The following C8orf34 variants were observed in gnomAD, a reference collection of about 807,000 sequenced individuals.
C8orf34 encodes the protein uncharacterized protein C8orf34.
Under a neutral mutation model 68.3 loss-of-function variants are expected in C8orf34, and 65 were observed. The ratio of observed to expected loss-of-function variants is 0.95; its 90% confidence interval spans 0.78 to 1.17. The LOEUF is 1.17. C8orf34 is among the 50% of genes most tolerant of loss of function. C8orf34 has a pLI of 0.00. For missense variants in C8orf34, 664 were observed against 655.4 expected, an observed-to-expected ratio of 1.01 and a Z score of -0.14; for synonymous variants, 244 against 241.2, an observed-to-expected ratio of 1.01 and a Z score of -0.11.
At chr8:68,611,025 G>A (rs573619705) in intron 7 of C8orf34, among the ~76,000 whole-genome samples, 3 of 151,936 alleles carry the variant, frequency 2.0e-5, no homozygotes, top group South Asian at 4.2e-4. Context: ...CCATCACCAC[G>A]CCCAGCTAAT....
At chr8:68,472,096 G>C (rs1175968793) in intron 4 of C8orf34, among the ~76,000 whole-genome samples, 2 of 151,906 alleles carry the variant, frequency 1.3e-5, no homozygotes, top group East Asian at 3.9e-4. Context: ...TTATCTTAAA[G>C]TCAATCATAA....
intron 8 of C8orf34, among the ~76,000 whole-genome samples, chr8:68,678,437 A>G (rs1424952489): frequency 6.6e-6 from 1 of 152,208 alleles, no homozygotes; most frequent in Non-Finnish European, 1.5e-5. Context: ...CAATATATGC[A>G]AATGAATCAG....
chr8:68,793,153 C>T (rs1306363938), intron 12 of C8orf34, among the ~76,000 whole-genome samples: 1 of 152,054 alleles, frequency 6.6e-6, no homozygotes, highest in Non-Finnish European at 1.5e-5. Context: ...TTGATATTCA[C>T]ATTGTAAAAA....
intron 3 of C8orf34, among the ~76,000 whole-genome samples, chr8:68,455,847 G>A (rs2129628077): frequency 6.6e-6 from 1 of 151,852 alleles, no homozygotes; most frequent in African/African-American, 2.4e-5. Flanking sequence ...AAAAATTTCT[G>A]AGTATTGTTC....
chr8:68,367,920 A>AT (rs1388286526), intron 1 of C8orf34, among the ~76,000 whole-genome samples: 27 of 136,348 alleles, frequency 2.0e-4, no homozygotes, highest in African/African-American at 7.3e-4. Context: ...AAGAAAAAAA[A>AT]AAAAAAAAAA....
At chr8:68,708,954 A>G in intron 8 of C8orf34, 40 bp from the exon 9 acceptor site, 1 of 1,436,130 alleles carries the variant, frequency 7.0e-7, no homozygotes. Context: ...TCACAATTTA[A>G]CATTATGAGA....
chr8:68,436,499 A>G (rs557197446), intron 1 of C8orf34, among the ~76,000 whole-genome samples: 1 of 152,270 alleles, frequency 6.6e-6, no homozygotes, highest in African/African-American at 2.4e-5. Context: ...ATTTTGTTTC[A>G]GGGCAGGAGT....
At position 68,343,967 on chromosome 8, in the gene C8orf34, T is replaced by C. The variant is rs141837487; in HGVS notation, c.327+12628T>C. On this transcript the variant is annotated intron_variant, in intron 1 of 13. Transcript: ENST00000518698. ...GTCTCGAACTCCTGGGCTTAAGCAA[T>C]CTGCCTGTCTCGGCCTCCCAAAGTT... Among the ~76,000 whole-genome samples the C allele has an allele frequency of 7.9e-3, 1,196 of 152,268 alleles. 19 individuals carry two copies. Among genetic ancestry groups the C allele is most frequent in the African/African-American group, 0.026 (1,100 of 41,566 alleles).
chr8:68,527,462 C>CCTCAG (rs1815055116), intron 6 of C8orf34, among the ~76,000 whole-genome samples: 1 of 152,136 alleles, frequency 6.6e-6, no homozygotes, highest in African/African-American at 2.4e-5. Context: ...GTCCCAGCTA[C>CCTCAG]TCGGGAGGCT....
chr8:68,419,766 G>A (rs1400885608), intron 1 of C8orf34, among the ~76,000 whole-genome samples: 1 of 145,830 alleles, frequency 6.9e-6, no homozygotes, highest in Admixed American at 7.1e-5. Flanking sequence ...CTCACAAGTG[G>A]GAATTGAACA....
At chr8:68,377,140 C>G (rs1252437470) in intron 1 of C8orf34, among the ~76,000 whole-genome samples, 1 of 152,090 alleles carries the variant, frequency 6.6e-6, no homozygotes, top group Non-Finnish European at 1.5e-5. Context: ...AGCTGTAATC[C>G]TAGCTCTTTG....
At chr8:68,761,430 GA>G (rs923284010) in intron 10 of C8orf34, among the ~76,000 whole-genome samples, 11 of 150,786 alleles carry the variant, frequency 7.3e-5, no homozygotes, top group East Asian at 1.9e-4. Context: ...TTATTTTGAG[GA>G]AAAAAAAATT....
chr8:68,816,118 GTGTGTGTGTGTGTGTTTCTC>G (rs1448255072), intron 13 of C8orf34, among the ~76,000 whole-genome samples, 173 bp downstream of exon 13: 1 of 137,618 alleles, frequency 7.3e-6, no homozygotes, highest in East Asian at 2.2e-4. Context: ...GTGTGTGTGT[GTGTGTGTGTGTGTGTTTCTC>G]TGTGTGTGTG....
intron 7 of C8orf34, chr8:68,535,836 A>T (rs1815442884): frequency 1.0e-6 from 1 of 977,990 alleles, no homozygotes; most frequent in African/African-American, 1.7e-5. Flanking sequence ...GTGAATTTTT[A>T]AGATATAATC....
intron 7 of C8orf34, among the ~76,000 whole-genome samples, chr8:68,587,565 G>C (rs1817245280): frequency 6.6e-6 from 1 of 151,648 alleles, no homozygotes; most frequent in Non-Finnish European, 1.5e-5. Flanking sequence ...AGATAGATAA[G>C]CATTGTATAA....
intron 10 of C8orf34, among the ~76,000 whole-genome samples, chr8:68,775,621 G>T (rs1157042979): frequency 6.6e-6 from 1 of 152,166 alleles, no homozygotes; most frequent in East Asian, 1.9e-4. Context: ...TTAATTGTCT[G>T]TCCTCTATGT....
chr8:68,611,621 C>G lies in C8orf34; in HGVS notation c.1106-28755C>G, dbSNP rs114316939. ...CAAAATTAAGCTGAAAGATTATGCT[C>G]TTTTCCCTCAAGTTTTATAAGCTTT... On this transcript the variant is annotated intron_variant, in intron 7 of 13. Transcript: ENST00000518698. Among the ~76,000 whole-genome samples, 918 of 152,240 alleles carry G rather than the reference C, an allele frequency of 6.0e-3. 15 individuals are homozygous for G. Among genetic ancestry groups the G allele is most frequent in the African/African-American group, 0.021 (883 of 41,544 alleles).
At chr8:68,393,167 T>A (rs1439327963) in intron 1 of C8orf34, among the ~76,000 whole-genome samples, 2 of 152,166 alleles carry the variant, frequency 1.3e-5, no homozygotes, top group Non-Finnish European at 2.9e-5. Flanking sequence ...GTCTAGATGG[T>A]CTGAAACCAG....
At chr8:68,432,426 T>A (rs775940177) in intron 1 of C8orf34, among the ~76,000 whole-genome samples, 2 of 152,014 alleles carry the variant, frequency 1.3e-5, no homozygotes, top group Non-Finnish European at 2.9e-5. Context: ...TCTTCCTGCC[T>A]CAGCTTCCCA....
Sources: gnomAD v4.1 joint callset for allele counts (sites outside exome capture counted in the v4.1 genomes callset) on GRCh38, gnomAD v4.1.1 for gene constraint, MANE v1.5 for transcripts, NCBI Gene and HGNC (gene_info 2026-07-23, HGNC 2026-07-21) for gene names.